TP53I11: variants seen among roughly 807,000 people sequenced by gnomAD.
TP53I11 encodes tumor protein p53-inducible protein 11.
In TP53I11, 9 loss-of-function variants were observed where a neutral mutation model predicts 23.3. The observed-to-expected ratio is 0.39, with a 90% CI of 0.23 to 0.67. The LOEUF is 0.67. Among genes scored for constraint, TP53I11 ranks in the 30% least tolerant of loss-of-function variants. The probability of loss-of-function intolerance (pLI) is 0.48; values close to 1 mark genes in which losing one functional copy is unlikely to be tolerated. For missense variants in TP53I11, 170 were observed against 255.2 expected (o/e 0.67, Z 2.27); for synonymous variants, 100 against 106.1 (o/e 0.94, Z 0.35).
chr11:44,937,153 G>A, intron 4 of TP53I11, 151 bp downstream of exon 4: 3 of 971,168 alleles, frequency 3.1e-6, no homozygotes, highest in Non-Finnish European at 4.8e-6. Flanking sequence ...GCGTGGCAGT[G>A]TAGGAGTCAG....
chr11:44,936,758 C>T lies in TP53I11; in HGVS notation c.334+45G>A, dbSNP rs780969147. ...CTCTCCTCAGCCCCGCTGGGTCTCCCAGCTGCCCGTCGCCTCCCCCAGGGC... is the reference window on the plus strand; with the variant it reads ...CTCTCCTCAGCCCCGCTGGGTCTCCTAGCTGCCCGTCGCCTCCCCCAGGGC... On this transcript the variant is annotated intron_variant, in intron 5 of 6. Coordinates refer to ENST00000525680, the MANE Select transcript of TP53I11 (RefSeq NM_006034.5). The surrounding 1 kb of genome is among the most constrained non-coding windows in gnomAD (Gnocchi z 4.4). The T allele has an allele frequency of 1.2e-5, 18 of 1,474,880 alleles. No homozygotes were observed. The highest frequency in any genetic ancestry group is 1.5e-5 in the Non-Finnish European group (17 of 1,112,270). 91.4% of individuals were successfully genotyped at this position (1,474,880 alleles called of 1,614,324 possible).
chr11:44,935,097 G>A (rs1860938857), intron 6 of TP53I11, 80 bp from the exon 7 acceptor site: 5 of 1,585,540 alleles, frequency 3.2e-6, no homozygotes, highest in African/African-American at 1.3e-5. Context: ...CCGGAGCGCT[G>A]GTGTGGCCGT....
chr11:44,948,127 G>T (rs773464905), intron 1 of TP53I11, among the ~76,000 whole-genome samples: 14 of 152,138 alleles, frequency 9.2e-5, no homozygotes, highest in Non-Finnish European at 1.5e-4. Context: ...AGTGTAGCAG[G>T]ATAAACAGTG....
At chr11:44,942,325 A>C (rs1861934883) in intron 1 of TP53I11, among the ~76,000 whole-genome samples, 1 of 140,398 alleles carries the variant, frequency 7.1e-6, no homozygotes, top group Admixed American at 7.1e-5. Context: ...CACATTACAC[A>C]CCATAGACAC....
chr11:44,951,107 C>T (rs993872805), upstream of TP53I11: 1 of 152,122 alleles, frequency 6.6e-6, no homozygotes. Flanking sequence ...GGAAGCCGCG[C>T]GGGGAGACCC....
Position 44,932,560 on chromosome 11 carries a change from C to T in TP53I11, c.*2324G>A, listed in dbSNP as rs2135399301. 6.6e-6 allele frequency: 1 copy of T among 152,370 alleles called. No homozygotes were observed. The highest frequency in any genetic ancestry group is 2.4e-5 in the African/African-American group (1 of 41,550). 9.4% of individuals were successfully genotyped at this position (152,370 alleles called of 1,614,324 possible). ...AAACGGAGCGTAGAGCGGGCCCACACCGAGCTTTCCTCGCTGGACTTAAGG... is the reference window on the plus strand; with the variant it reads ...AAACGGAGCGTAGAGCGGGCCCACATCGAGCTTTCCTCGCTGGACTTAAGG... On this transcript the variant is annotated 3_prime_UTR_variant, in exon 7 of 7. Coordinates refer to ENST00000525680, the MANE Select transcript of TP53I11 (RefSeq NM_006034.5).
chr11:44,949,512 C>T (rs1206062205), intron 1 of TP53I11, among the ~76,000 whole-genome samples: 2 of 152,216 alleles, frequency 1.3e-5, no homozygotes, highest in Non-Finnish European at 2.9e-5. Context: ...CTGCTCTTGC[C>T]CCAGCCTCCA....
chr11:44,947,201 C>T (rs1862471741), intron 1 of TP53I11: 7 of 448,298 alleles, frequency 1.6e-5, no homozygotes, highest in Admixed American at 9.5e-5. Flanking sequence ...TTTCCTGTCT[C>T]GACGGTCATT....
chr11:44,947,010 C>G, intron 1 of TP53I11: 1 of 456,244 alleles, frequency 2.2e-6, no homozygotes, highest in Non-Finnish European at 4.4e-6. Context: ...ATTTCCAAAG[C>G]TTTAGGGACA....
chr11:44,947,344 A>G, intron 1 of TP53I11: 1 of 351,440 alleles, frequency 2.8e-6, no homozygotes, highest in Non-Finnish European at 5.6e-6. Flanking sequence ...TGACTTCCAG[A>G]TCCTATCGGG....
At chr11:44,951,103 C>A (rs1481921357), upstream of TP53I11, 2 of 151,980 alleles carry the variant, frequency 1.3e-5, no homozygotes, top group African/African-American at 4.8e-5. Flanking sequence ...GGGAGGAAGC[C>A]GCGCGGGGAG....
Position 44,936,570 on chromosome 11 carries a change from C to CTAT in TP53I11, c.334+232_334+233insATA. The CTAT allele has an allele frequency of 7.6e-7, 1 of 1,307,928 alleles. No individual in the cohort carries two copies. 81.0% of individuals were successfully genotyped at this position (1,307,928 alleles called of 1,614,324 possible). On this transcript the variant is annotated intron_variant, in intron 5 of 6. Transcript: ENST00000525680. The surrounding 1 kb of genome is among the most constrained non-coding windows in gnomAD (Gnocchi z 4.4). Reference sequence around the variant, plus strand: ...GGCAGTGCACACACTTATGAGCGCTCCTTGCAGATGGTGGCGACTGCAAGC... The same window carrying CTAT: ...GGCAGTGCACACACTTATGAGCGCTCTATCTTGCAGATGGTGGCGACTGCAAGC...
At chr11:44,945,034 T>TG (rs1862254456) in intron 1 of TP53I11, among the ~76,000 whole-genome samples, 1 of 152,294 alleles carries the variant, frequency 6.6e-6, no homozygotes, top group South Asian at 2.1e-4. Context: ...CCTGACTGGC[T>TG]GGGGGAGTGG....
At position 44,936,120 on chromosome 11, in the gene TP53I11, G is replaced by T; in HGVS notation, c.335-458C>A. 1 of 716,816 alleles carries T rather than the reference G, an allele frequency of 1.4e-6. No individual in the cohort carries two copies. The highest frequency in any genetic ancestry group is 1.7e-6 in the Non-Finnish European group (1 of 576,998). 44.4% of individuals were successfully genotyped at this position (716,816 alleles called of 1,614,324 possible). The stretch of plus-strand genomic sequence containing the variant: ...AGGACTCGCTTTAAGGAAGTCCCCT[G>T]GGGGAGGGGGATGAACCATACTTTT... On this transcript the variant is annotated intron_variant, in intron 5 of 6. Transcript: ENST00000525680. The surrounding 1 kb of genome is among the most constrained non-coding windows in gnomAD (Gnocchi z 4.4).
At position 44,934,819 on chromosome 11, in the gene TP53I11, G is replaced by C; in HGVS notation, c.*65C>G. On this transcript the variant is annotated 3_prime_UTR_variant, in exon 7 of 7. Transcript: ENST00000525680. ...ACCCTCCTGCCTTCCAGGAGCCAAA[G>C]GGAAGCCGAGGCCCCAGCGCCACTC... 1 of 1,602,016 alleles carries C rather than the reference G, an allele frequency of 6.2e-7. No individual in the cohort carries two copies. Among genetic ancestry groups the C allele is most frequent in the Non-Finnish European group, 8.5e-7 (1 of 1,173,384 alleles).
chr11:44,945,197 C>T (rs1446905565), intron 1 of TP53I11, among the ~76,000 whole-genome samples: 1 of 152,184 alleles, frequency 6.6e-6, no homozygotes, highest in African/African-American at 2.4e-5. Context: ...GCAGGCAGCA[C>T]ACCTGTTCCT....
Position 44,936,035 on chromosome 11 carries a change from T to C in TP53I11, c.335-373A>G. 1 of 276,930 alleles carries C rather than the reference T, an allele frequency of 3.6e-6. No individual in the cohort carries two copies. The highest frequency in any genetic ancestry group is 6.5e-6 in the Non-Finnish European group (1 of 153,270). The allele number at this position is 276,930 out of a possible 1,614,324, so 17.2% of individuals were successfully genotyped here. A position where few individuals can be genotyped will look rare whatever the true frequency, so the allele number is the denominator to read the frequency against. On this transcript the variant is annotated intron_variant, in intron 5 of 6. Transcript: ENST00000525680. This position sits in a 1 kb window ranked among gnomAD's most constrained non-coding sequence, Gnocchi z 4.4. ...GGAGTTCATGAGTTAATGGGTTACC[T>C]GGTCCTATGATTGGGTTTTCTTTTA...
At position 44,934,547 on chromosome 11, in the gene TP53I11, C is replaced by T. The variant is rs1443440732; in HGVS notation, c.*337G>A. 1 of 252,512 alleles carries T rather than the reference C, an allele frequency of 4.0e-6. No homozygotes were observed. The highest frequency in any genetic ancestry group is 7.9e-6 in the Non-Finnish European group (1 of 126,452). The allele number at this position is 252,512 out of a possible 1,614,324, so 15.6% of individuals were successfully genotyped here. ...AGAAGAGGCTGGACCCTCGACTTAGCCCACTACCCTCATGACTCCAGCCTG... is the reference window on the plus strand; with the variant it reads ...AGAAGAGGCTGGACCCTCGACTTAGTCCACTACCCTCATGACTCCAGCCTG... On this transcript the variant is annotated 3_prime_UTR_variant, in exon 7 of 7. Coordinates refer to ENST00000525680, the MANE Select transcript of TP53I11 (RefSeq NM_006034.5).
rs544740844 is a variant in TP53I11, at chr11:44,947,747, G to A, written c.-32+2930C>T. On this transcript the variant is annotated intron_variant, in intron 1 of 6. Coordinates refer to ENST00000525680, the MANE Select transcript of TP53I11 (RefSeq NM_006034.5). The stretch of plus-strand genomic sequence containing the variant: ...TGGCTCTACCACTGATGAGCTGTAT[G>A]CCTTTGGGCCAGTGACTCTGCCTCC... Among the ~76,000 whole-genome samples, 3 of 152,296 alleles carry A rather than the reference G, an allele frequency of 2.0e-5. 1 individual carries two copies. The South Asian group carries it at 6.2e-4, about 32-fold the overall frequency.
Sources: allele counts gnomAD v4.1 joint callset (sites outside exome capture counted in the v4.1 genomes callset), GRCh38; gene constraint gnomAD v4.1.1; non-coding constraint Gnocchi (gnomAD v3.1); transcripts MANE v1.5; gene names NCBI Gene and HGNC (gene_info 2026-07-23, HGNC 2026-07-21).